The following GALNT17 variants were observed in gnomAD, a reference collection of about 807,000 sequenced individuals.
The protein encoded by GALNT17 is polypeptide N-acetylgalactosaminyltransferase 17.
GALNT17 carries 29 observed loss-of-function variants against 63.7 expected under a neutral mutation model. The observed-to-expected ratio is 0.46, with a 90% CI of 0.34 to 0.62. The LOEUF (loss-of-function observed/expected upper bound fraction) is 0.62. Among genes scored for constraint, GALNT17 ranks in the 20% least tolerant of loss-of-function variants. GALNT17 has a pLI of 0.01. For synonymous variants in GALNT17, 305 were observed against 318.3 expected, an observed-to-expected ratio of 0.96 and a Z score of 0.45; for missense variants, 603 against 799.6, an observed-to-expected ratio of 0.75 and a Z score of 2.97.
chr7:71,701,923 G>GTA (rs1280964113), intron 9 of GALNT17, among the ~76,000 whole-genome samples: 7 of 125,548 alleles, frequency 5.6e-5, no homozygotes, highest in African/African-American at 1.0e-4. Flanking sequence ...ATATATATAT[G>GTA]TATATATATA....
chr7:71,510,545 A>T (rs1788339840), intron 5 of GALNT17, among the ~76,000 whole-genome samples: 1 of 152,006 alleles, frequency 6.6e-6, no homozygotes, highest in Non-Finnish European at 1.5e-5. Context: ...CCAAGGTCAT[A>T]ATCGCTGGGA....
chr7:71,529,059 C>T (rs759553282), intron 5 of GALNT17, among the ~76,000 whole-genome samples: 38 of 152,092 alleles, frequency 2.5e-4, no homozygotes, highest in Middle Eastern at 3.4e-3. Context: ...CACTTGAACC[C>T]GGGAGGCAGA....
chr7:71,430,032 G>C (rs1212082101), intron 5 of GALNT17, among the ~76,000 whole-genome samples: 7 of 151,918 alleles, frequency 4.6e-5, no homozygotes, highest in Non-Finnish European at 1.0e-4. Context: ...TGTTTGTAAA[G>C]TCAGGGGTCT....
chr7:71,144,977 C>T lies in GALNT17; in HGVS notation c.238+11937C>T, dbSNP rs149457090. Among the ~76,000 whole-genome samples, 587 of 152,248 alleles carry T rather than the reference C, an allele frequency of 3.9e-3. 13 individuals are homozygous for T. The highest frequency in any genetic ancestry group is 6.0e-3 in the East Asian group (31 of 5,160). On this transcript the variant is annotated intron_variant, in intron 1 of 10. Transcript: ENST00000333538. ...TCTCCTGACTTCGTGATTTGCCCACCTTGGCCTCCCAAAATGCTGGGAATA... is the reference window on the plus strand; with the variant it reads ...TCTCCTGACTTCGTGATTTGCCCACTTTGGCCTCCCAAAATGCTGGGAATA...
intron 2 of GALNT17, among the ~76,000 whole-genome samples, chr7:71,340,027 C>G (rs1791981282): frequency 2.6e-5 from 4 of 152,198 alleles, no homozygotes; most frequent in Admixed American, 2.0e-4. Context: ...ACAGAGCAAG[C>G]TGGGTGAAGC....
chr7:71,706,169 C>G (rs1329596713), intron 9 of GALNT17, among the ~76,000 whole-genome samples: 1 of 152,200 alleles, frequency 6.6e-6, no homozygotes, highest in Non-Finnish European at 1.5e-5. Flanking sequence ...CTTGGCCAGA[C>G]CAGCAGAACC....
At chr7:71,510,870 A>G (rs1181244525) in intron 5 of GALNT17, among the ~76,000 whole-genome samples, 1 of 152,156 alleles carries the variant, frequency 6.6e-6, no homozygotes, top group African/African-American at 2.4e-5. Flanking sequence ...GAGACCTGCA[A>G]GATGAGGTTG....
At chr7:71,430,506 A>G (rs1265475120) in intron 5 of GALNT17, among the ~76,000 whole-genome samples, 1 of 152,196 alleles carries the variant, frequency 6.6e-6, no homozygotes, top group East Asian at 1.9e-4. Context: ...ACTGGCTGAA[A>G]GCTGAGTCAG....
chr7:71,300,296 C>T (rs751015104), intron 1 of GALNT17: 1 of 353,346 alleles, frequency 2.8e-6, no homozygotes, highest in Non-Finnish European at 5.6e-6. Context: ...TGTATCTGGA[C>T]TCTGGGCTTG....
At chr7:71,356,299 G>C (rs762342287) in intron 2 of GALNT17, among the ~76,000 whole-genome samples, 2 of 152,116 alleles carry the variant, frequency 1.3e-5, no homozygotes, top group African/African-American at 2.4e-5. Context: ...CACAAGATTT[G>C]TAGTTCAAAG....
At chr7:71,662,627 A>G (rs1441389527) in intron 6 of GALNT17, among the ~76,000 whole-genome samples, 1 of 152,174 alleles carries the variant, frequency 6.6e-6, no homozygotes, top group African/African-American at 2.4e-5. Context: ...GAATCATAGA[A>G]TATGTAGTCC....
intron 5 of GALNT17, among the ~76,000 whole-genome samples, chr7:71,440,707 C>T (rs559468788): frequency 3.2e-4 from 48 of 152,266 alleles, no homozygotes; most frequent in African/African-American, 9.1e-4. Flanking sequence ...CCTGGCCCTT[C>T]TGGTCCTCCA....
chr7:71,556,401 A>C (rs945719158), intron 5 of GALNT17, among the ~76,000 whole-genome samples: 1 of 152,184 alleles, frequency 6.6e-6, no homozygotes, highest in African/African-American at 2.4e-5. Flanking sequence ...TCTTTCTCTT[A>C]TTAAAAATCT....
chr7:71,386,963 C>G (rs553092919), intron 2 of GALNT17, among the ~76,000 whole-genome samples: 4 of 152,002 alleles, frequency 2.6e-5, no homozygotes, highest in Non-Finnish European at 5.9e-5. Flanking sequence ...CATTTGGGTT[C>G]CCCCAGAAAC....
intron 6 of GALNT17, among the ~76,000 whole-genome samples, chr7:71,652,797 T>G (rs1790772217): frequency 6.6e-6 from 1 of 152,160 alleles, no homozygotes; most frequent in African/African-American, 2.4e-5. Context: ...CAGAGACACA[T>G]GCTCCAGAGG....
chr7:71,271,675 A>T (rs542367878), intron 1 of GALNT17, among the ~76,000 whole-genome samples: 1 of 152,216 alleles, frequency 6.6e-6, no homozygotes, highest in East Asian at 1.9e-4. Context: ...TTACCACCAC[A>T]GTTAAGATGC....
At chr7:71,458,349 C>T (rs889486247) in intron 5 of GALNT17, among the ~76,000 whole-genome samples, 6 of 152,080 alleles carry the variant, frequency 3.9e-5, no homozygotes, top group South Asian at 2.1e-4. Flanking sequence ...CTTAATAGGA[C>T]GGGGAGCAAG....
At chr7:71,646,714 G>A (rs1329921316) in intron 6 of GALNT17, among the ~76,000 whole-genome samples, 1 of 150,098 alleles carries the variant, frequency 6.7e-6, no homozygotes, top group Non-Finnish European at 1.5e-5. Flanking sequence ...AGTATGTTTG[G>A]TGGCTTGGTC....
chr7:71,354,942 A>C (rs1170613754), intron 2 of GALNT17, among the ~76,000 whole-genome samples: 1 of 152,182 alleles, frequency 6.6e-6, no homozygotes, highest in African/African-American at 2.4e-5. Context: ...TTTCCCTAGG[A>C]AATTATCCAT....
Sources: allele counts gnomAD v4.1 joint callset (sites outside exome capture counted in the v4.1 genomes callset), GRCh38; gene constraint gnomAD v4.1.1; transcripts MANE v1.5; gene names NCBI Gene and HGNC (gene_info 2026-07-23, HGNC 2026-07-21).